The following SUCLG2 variants were observed in gnomAD, a reference collection of about 807,000 sequenced individuals.
SUCLG2 encodes the protein succinate--CoA ligase [GDP-forming] subunit beta, mitochondrial.
SUCLG2 carries 42 observed loss-of-function variants against 47.9 expected under a neutral mutation model. The observed-to-expected ratio is 0.88, with a 90% CI of 0.69 to 1.14. SUCLG2 has a LOEUF of 1.14. SUCLG2 is among the 50% of genes most tolerant of loss of function. The pLI is 0.00. For synonymous variants in SUCLG2, 195 were observed against 197.3 expected, an observed-to-expected ratio of 0.99 and a Z score of 0.10; for missense variants, 571 against 525.9, an observed-to-expected ratio of 1.09 and a Z score of -0.84.
chr3:67,568,744 G>A (rs901742964), intron 2 of SUCLG2, among the ~76,000 whole-genome samples: 5 of 152,228 alleles, frequency 3.3e-5, no homozygotes, highest in African/African-American at 4.8e-5. Context: ...AAAATTAGCC[G>A]GGCGTGGTAG....
intron 6 of SUCLG2, among the ~76,000 whole-genome samples, chr3:67,516,104 C>A (rs993937533): frequency 6.6e-6 from 1 of 152,178 alleles, no homozygotes; most frequent in African/African-American, 2.4e-5. Context: ...GCACAGCAGA[C>A]TGAGCAGCAC....
chr3:67,462,846 G>C (rs1704372424), intron 9 of SUCLG2, among the ~76,000 whole-genome samples: 1 of 152,202 alleles, frequency 6.6e-6, no homozygotes, highest in Admixed American at 6.5e-5. Flanking sequence ...TGGGATCTGA[G>C]ATTATCTCCA....
At chr3:67,616,770 G>A (rs1484951048) in intron 1 of SUCLG2, among the ~76,000 whole-genome samples, 1 of 152,140 alleles carries the variant, frequency 6.6e-6, no homozygotes, top group East Asian at 1.9e-4. Context: ...AGGTGGGTGA[G>A]CAAAAGCCGC....
At chr3:67,567,524 C>T (rs572479746) in intron 2 of SUCLG2, among the ~76,000 whole-genome samples, 20 of 152,248 alleles carry the variant, frequency 1.3e-4, no homozygotes, top group African/African-American at 4.8e-4. Context: ...AGCGATCCTG[C>T]CACCTCAGTT....
chr3:67,579,103 G>A (rs1472153253), intron 2 of SUCLG2, among the ~76,000 whole-genome samples: 9 of 152,116 alleles, frequency 5.9e-5, no homozygotes, highest in Non-Finnish European at 1.5e-5. Flanking sequence ...AGTATGTTAT[G>A]TGCAATATCA....
At chr3:67,441,979 T>C (rs1468733893) in intron 9 of SUCLG2, among the ~76,000 whole-genome samples, 1 of 152,038 alleles carries the variant, frequency 6.6e-6, no homozygotes, top group Non-Finnish European at 1.5e-5. Context: ...TTAAAAAGGG[T>C]TGATTTCATC....
intron 9 of SUCLG2, among the ~76,000 whole-genome samples, chr3:67,489,348 TG>T (rs1302335726): frequency 6.6e-6 from 1 of 152,138 alleles, no homozygotes; most frequent in East Asian, 1.9e-4. Flanking sequence ...GAGTGGTAGA[TG>T]GTTTTCCATC....
In SUCLG2 at chr3:67,599,506, C is replaced by T. The variant is rs1171130386; in HGVS notation, c.226+9949G>A. Among the ~76,000 whole-genome samples, 5 of 152,104 alleles carry T rather than the reference C, an allele frequency of 3.3e-5. 1 individual carries two copies. Among genetic ancestry groups the T allele is most frequent in the Non-Finnish European group, 2.9e-5 (2 of 68,032 alleles). ...TCCAGGTTTTCTCATGTTTATGATG[C>T]TAATGGACAGATCATTTATAAAGAA... On this transcript the variant is annotated intron_variant, in intron 2 of 10. Transcript: ENST00000307227.
At chr3:67,561,809 C>T (rs933603852) in intron 2 of SUCLG2, among the ~76,000 whole-genome samples, 1 of 152,136 alleles carries the variant, frequency 6.6e-6, no homozygotes, top group Non-Finnish European at 1.5e-5. Context: ...ATTCTTTATT[C>T]CTGTACATAC....
At chr3:67,438,789 G>GCCAT (rs1305222814) in intron 9 of SUCLG2, among the ~76,000 whole-genome samples, 1 of 152,106 alleles carries the variant, frequency 6.6e-6, no homozygotes, top group Non-Finnish European at 1.5e-5. Context: ...CGGATTCACG[G>GCCAT]CCATATTCTA....
At chr3:67,556,802 G>C (rs566057842) in intron 2 of SUCLG2, among the ~76,000 whole-genome samples, 81 of 152,300 alleles carry the variant, frequency 5.3e-4, no homozygotes, top group African/African-American at 1.7e-3. Flanking sequence ...CGGATAACAA[G>C]ATGTTTTTAA....
intron 3 of SUCLG2, 34 bp downstream of exon 3, chr3:67,529,053 C>T (rs1706331758): frequency 1.9e-6 from 3 of 1,568,578 alleles, no homozygotes; most frequent in Middle Eastern, 4.6e-4. Flanking sequence ...AACTGCTTGG[C>T]CAAAAGACAA....
At chr3:67,425,166 T>A (rs1424865998) in intron 9 of SUCLG2, among the ~76,000 whole-genome samples, 1 of 152,224 alleles carries the variant, frequency 6.6e-6, no homozygotes, top group East Asian at 1.9e-4. Context: ...TTTTTCTAAT[T>A]ACAGGGCAAA....
chr3:67,611,623 G>A (rs1456081609), intron 1 of SUCLG2, among the ~76,000 whole-genome samples: 2 of 152,104 alleles, frequency 1.3e-5, no homozygotes, highest in Non-Finnish European at 2.9e-5. Flanking sequence ...TTATGTCTAC[G>A]TTGACATAAC....
At position 67,498,258 on chromosome 3, in the gene SUCLG2, G is replaced by C; in HGVS notation, c.795C>G (p.Asn265Lys). The C allele has an allele frequency of 1.2e-6, 2 of 1,613,582 alleles. No individual in the cohort carries two copies. Among genetic ancestry groups the C allele is most frequent in the South Asian group, 2.2e-5 (2 of 91,038 alleles). Reference protein sequence around the residue: ...CFDAKINFDDNAEFRQKDIFA... With the variant: ...CFDAKINFDDKAEFRQKDIFA... ...ATATGTCTTTTTGTCGGAATTCTGCGTTGTCATCAAAGTTTATCTTGGCAT... is the reference window on the plus strand; with the variant it reads ...ATATGTCTTTTTGTCGGAATTCTGCCTTGTCATCAAAGTTTATCTTGGCAT... The change falls in exon 8 of 11, where the codon AAC (asparagine) becomes AAG (lysine). Residue 265 changes from asparagine (N) to lysine (K), a missense_variant. Asn to Lys is a moderately conservative substitution (Grantham distance 94). Transcript: ENST00000307227.
At chr3:67,495,289 A>G (rs1705302049) in intron 9 of SUCLG2, among the ~76,000 whole-genome samples, 1 of 152,120 alleles carries the variant, frequency 6.6e-6, no homozygotes, top group South Asian at 2.1e-4. Context: ...TGTACACACA[A>G]CCTCTGAAAT....
intron 10 of SUCLG2, among the ~76,000 whole-genome samples, chr3:67,394,885 A>C (rs1225568355): frequency 1.3e-5 from 2 of 152,192 alleles, no homozygotes; most frequent in Non-Finnish European, 2.9e-5. Flanking sequence ...CTTAAAGAAA[A>C]GAATTTTCAA....
At chr3:67,564,475 A>G (rs1442463656) in intron 2 of SUCLG2, among the ~76,000 whole-genome samples, 1 of 152,244 alleles carries the variant, frequency 6.6e-6, no homozygotes, top group Non-Finnish European at 1.5e-5. Context: ...AAAACGCCAC[A>G]GGTATAAACT....
At chr3:67,548,862 G>A (rs17046584) in intron 2 of SUCLG2, among the ~76,000 whole-genome samples, 7,399 of 152,114 alleles carry the variant, frequency 0.049, 235 homozygotes, top group African/African-American at 0.089. Flanking sequence ...GCACCCAACA[G>A]GTATGAGACT....
Sources: gnomAD v4.1 joint callset for allele counts (sites outside exome capture counted in the v4.1 genomes callset) on GRCh38, gnomAD v4.1.1 for gene constraint, MANE v1.5 for transcripts, NCBI Gene and HGNC (gene_info 2026-07-23, HGNC 2026-07-21) for gene names.